PTPRD: variants seen among roughly 807,000 people sequenced by gnomAD.
PTPRD encodes the protein receptor-type tyrosine-protein phosphatase delta.
In PTPRD, 34 loss-of-function variants were observed where a neutral mutation model predicts 214.5. The observed-to-expected ratio is 0.16, with a 90% confidence interval of 0.12 to 0.21. The LOEUF is 0.21. PTPRD is among the 10% of genes least tolerant of loss of function. The pLI is 1.00. For synonymous variants in PTPRD, 1,128 were observed against 845.7 expected, an observed-to-expected ratio of 1.33 and a Z score of -5.79; for missense variants, 2,545 against 2,398.7, an observed-to-expected ratio of 1.06 and a Z score of -1.27.
At chr9:9,395,686 C>T (rs926704961) in intron 9 of PTPRD, among the ~76,000 whole-genome samples, 8 of 152,014 alleles carry the variant, frequency 5.3e-5, no homozygotes, top group Admixed American at 2.0e-4. Context: ...TTGGCATCTA[C>T]CCCCTTTTCT....
intron 7 of PTPRD, among the ~76,000 whole-genome samples, chr9:9,711,100 G>C (rs569274827): frequency 1.3e-5 from 2 of 152,194 alleles, no homozygotes; most frequent in East Asian, 3.9e-4. Flanking sequence ...GGCCATGCGA[G>C]ACCCTAAACT....
chr9:8,785,868 T>C (rs2095929617), intron 11 of PTPRD, among the ~76,000 whole-genome samples: 1 of 152,224 alleles, frequency 6.6e-6, no homozygotes, highest in Non-Finnish European at 1.5e-5. Context: ...TCCTGTAATG[T>C]ATTACAGATG....
At position 9,969,359 on chromosome 9, in the gene PTPRD, C is replaced by A. The variant is rs201970170; in HGVS notation, c.-471-30749G>T. ...CTCTCTCTTTCCTCCTCAACTTCCT[C>A]TTCTTCCTACTCCCACCAATAGGGT... On this transcript the variant is annotated intron_variant, in intron 4 of 45. Transcript: ENST00000381196. 7.2e-5 allele frequency among the ~76,000 whole-genome samples: 11 copies of A among 152,228 alleles called. No homozygotes were observed. In the East Asian group the frequency reaches 2.1e-3, roughly 30 times the overall value.
chr9:9,739,557 A>G (rs756509551), intron 6 of PTPRD, among the ~76,000 whole-genome samples: 34 of 152,078 alleles, frequency 2.2e-4, no homozygotes, highest in South Asian at 1.2e-3. Flanking sequence ...TTTAACTGAC[A>G]TTAGCTTTCC....
chr9:10,432,115 G>A lies in PTPRD; in HGVS notation c.-599-91098C>T, dbSNP rs968336872. Among the ~76,000 whole-genome samples the A allele has an allele frequency of 7.9e-5, 12 of 152,002 alleles. 1 individual carries two copies. Among genetic ancestry groups the A allele is most frequent in the Admixed American group, 7.2e-4 (11 of 15,248 alleles). On this transcript the variant is annotated intron_variant, in intron 2 of 45. Transcript: ENST00000381196. ...GAATACTATGCAGCCATAAAAAAAT[G>A]ATGAGTTCATGTCCTTTGTAGGGAC...
At chr9:8,594,679 T>G (rs1313976015) in intron 14 of PTPRD, among the ~76,000 whole-genome samples, 1 of 152,092 alleles carries the variant, frequency 6.6e-6, no homozygotes, top group Non-Finnish European at 1.5e-5. Context: ...ACGCTCTCGC[T>G]CTGTCTTGCC....
At position 8,785,736 on chromosome 9, in the gene PTPRD, T is replaced by C. The variant is rs548989616; in HGVS notation, c.-103-51790A>G. On this transcript the variant is annotated intron_variant, in intron 11 of 45. Coordinates refer to ENST00000381196, the MANE Select transcript of PTPRD (RefSeq NM_002839.4). ...TTATGCTGGCCATTGAGTAAAAATATCTGTAATTCCTTCAAGTTCAGTAAG... is the reference window on the plus strand; with the variant it reads ...TTATGCTGGCCATTGAGTAAAAATACCTGTAATTCCTTCAAGTTCAGTAAG... Among the ~76,000 whole-genome samples the C allele has an allele frequency of 2.0e-5, 3 of 152,310 alleles. No homozygotes were observed. The East Asian group carries it at 5.8e-4, about 29-fold the overall frequency.
rs146891432 is a variant in PTPRD at position 9,426,772 on chromosome 9, C to T, written c.-236-29290G>A. Among the ~76,000 whole-genome samples, 755 of 152,228 alleles carry T rather than the reference C, an allele frequency of 5.0e-3. 3 individuals are homozygous for T. Among genetic ancestry groups the T allele is most frequent in the African/African-American group, 0.017 (701 of 41,548 alleles). ...GCAATATTCACTGTTCTGCACCCTC[C>T]GCTGGTGATACCCAGGCAAACAGGG... On this transcript the variant is annotated intron_variant, in intron 8 of 45. Transcript: ENST00000381196.
At chr9:9,430,253 C>A (rs2082568025) in intron 8 of PTPRD, among the ~76,000 whole-genome samples, 1 of 151,990 alleles carries the variant, frequency 6.6e-6, no homozygotes, top group Non-Finnish European at 1.5e-5. Context: ...TCCTATACAC[C>A]AATAACAGAC....
At chr9:10,547,903 T>C (rs1355294553) in intron 2 of PTPRD, among the ~76,000 whole-genome samples, 2 of 152,186 alleles carry the variant, frequency 1.3e-5, no homozygotes. Context: ...TTAATAGAGA[T>C]GTAGTTGCAT....
At chr9:9,298,737 C>T (rs1357112575) in intron 9 of PTPRD, among the ~76,000 whole-genome samples, 2 of 151,618 alleles carry the variant, frequency 1.3e-5, no homozygotes, top group African/African-American at 2.4e-5. Flanking sequence ...TTTAATTCCT[C>T]CTCTTCTCTG....
At chr9:8,417,914 G>T (rs1000902533) in intron 35 of PTPRD, among the ~76,000 whole-genome samples, 2 of 152,168 alleles carry the variant, frequency 1.3e-5, no homozygotes, top group African/African-American at 2.4e-5. Context: ...CTCTTTGAAA[G>T]AGTATTAAAT....
intron 9 of PTPRD, among the ~76,000 whole-genome samples, chr9:9,228,057 T>C (rs2099960673): frequency 6.6e-6 from 1 of 152,172 alleles, no homozygotes; most frequent in African/African-American, 2.4e-5. Flanking sequence ...CAGTTGGTCA[T>C]GTTAGCTGAA....
intron 8 of PTPRD, among the ~76,000 whole-genome samples, chr9:9,432,992 G>T (rs1402095502): frequency 6.6e-6 from 1 of 152,110 alleles, no homozygotes; most frequent in Non-Finnish European, 1.5e-5. Context: ...CACTGTGGTA[G>T]AATCAGAGGG....
intron 7 of PTPRD, among the ~76,000 whole-genome samples, chr9:9,578,332 G>A (rs879566813): frequency 1.3e-5 from 2 of 151,966 alleles, no homozygotes; most frequent in African/African-American, 2.4e-5. Context: ...GTAGATAAAT[G>A]CCTTTAATGA....
At chr9:8,332,579 T>G (rs1356016919) in intron 43 of PTPRD, among the ~76,000 whole-genome samples, 1 of 152,164 alleles carries the variant, frequency 6.6e-6, no homozygotes, top group Non-Finnish European at 1.5e-5. Flanking sequence ...TCTTTCTTTT[T>G]TAGAGTGATT....
chr9:9,101,009 T>C (rs2099790488), intron 10 of PTPRD, among the ~76,000 whole-genome samples: 1 of 152,030 alleles, frequency 6.6e-6, no homozygotes. Flanking sequence ...TCATACCTGA[T>C]CATTTGGAAA....
chr9:8,869,829 G>C (rs2098264390), intron 11 of PTPRD, among the ~76,000 whole-genome samples: 1 of 151,704 alleles, frequency 6.6e-6, no homozygotes, highest in Non-Finnish European at 1.5e-5. Flanking sequence ...ACAGTCAGTT[G>C]TCCCTGCTCT....
chr9:10,121,999 C>A (rs2098779451), intron 3 of PTPRD, among the ~76,000 whole-genome samples: 1 of 152,150 alleles, frequency 6.6e-6, no homozygotes, highest in African/African-American at 2.4e-5. Flanking sequence ...TAGCTTCGGG[C>A]TTTTATGTAC....
Sources: gnomAD v4.1 joint callset for allele counts (sites outside exome capture counted in the v4.1 genomes callset) on GRCh38, gnomAD v4.1.1 for gene constraint, MANE v1.5 for transcripts, NCBI Gene and HGNC (gene_info 2026-07-23, HGNC 2026-07-21) for gene names.